Variants in ZBTB20 observed in about 807,000 individuals in gnomAD.
The protein encoded by ZBTB20 is zinc finger and BTB domain-containing protein 20.
A neutral mutation model predicts 56.9 loss-of-function variants in ZBTB20; 9 were observed. That is an observed-to-expected ratio of 0.16 (90% confidence interval 0.10 to 0.28). The LOEUF (loss-of-function observed/expected upper bound fraction) is 0.28. ZBTB20 is among the 10% of genes least tolerant of loss of function. ZBTB20 has a pLI of 1.00. For missense variants in ZBTB20, 655 were observed against 1,003.0 expected, an observed-to-expected ratio of 0.65 and a Z score of 4.69; for synonymous variants, 417 against 420.7, an observed-to-expected ratio of 0.99 and a Z score of 0.11.
chr3:114,595,571 G>T (rs1284886189), intron 6 of ZBTB20, among the ~76,000 whole-genome samples: 1 of 152,168 alleles, frequency 6.6e-6, no homozygotes, highest in Non-Finnish European at 1.5e-5. Context: ...AATGAGTCCA[G>T]GGAAGAGGCC....
At chr3:114,772,010 T>TAA (rs2069244648) in intron 5 of ZBTB20, among the ~76,000 whole-genome samples, 1 of 152,166 alleles carries the variant, frequency 6.6e-6, no homozygotes, top group African/African-American at 2.4e-5. Flanking sequence ...TAGATACCAG[T>TAA]GAAAGACTTG....
chr3:114,617,990 T>C (rs1577985268), intron 6 of ZBTB20, among the ~76,000 whole-genome samples: 2 of 152,032 alleles, frequency 1.3e-5, no homozygotes, highest in East Asian at 1.9e-4. Context: ...GCACTTATCA[T>C]AAAATGCCAC....
chr3:114,364,808 T>C (rs150744618), intron 10 of ZBTB20, among the ~76,000 whole-genome samples: 3 of 152,346 alleles, frequency 2.0e-5, no homozygotes, highest in African/African-American at 7.2e-5. Context: ...GATTCATTTT[T>C]CAACTACTGT....
At chr3:114,888,661 G>A (rs917384185) in intron 4 of ZBTB20, among the ~76,000 whole-genome samples, 2 of 152,062 alleles carry the variant, frequency 1.3e-5, no homozygotes, top group African/African-American at 4.8e-5. Flanking sequence ...TTGGTCTAGA[G>A]TATATACTAT....
chr3:114,582,425 A>G (rs906491832), intron 6 of ZBTB20, among the ~76,000 whole-genome samples: 2 of 150,924 alleles, frequency 1.3e-5, no homozygotes, highest in African/African-American at 2.4e-5. Context: ...CACTCTGTCC[A>G]CCAGGCTGGA....
chr3:114,970,939 C>T (rs1233312428), intron 3 of ZBTB20, among the ~76,000 whole-genome samples: 2 of 151,664 alleles, frequency 1.3e-5, no homozygotes, highest in Admixed American at 6.6e-5. Context: ...AGCAAGAACC[C>T]GGGAGGTGGA....
intron 7 of ZBTB20, among the ~76,000 whole-genome samples, chr3:114,443,335 T>G (rs1471529211): frequency 6.6e-6 from 1 of 152,160 alleles, no homozygotes; most frequent in East Asian, 1.9e-4. Context: ...ATTAATCACA[T>G]GAACCAGAAA....
chr3:114,791,521 C>T (rs1161464182), intron 5 of ZBTB20, among the ~76,000 whole-genome samples: 1 of 152,052 alleles, frequency 6.6e-6, no homozygotes, highest in Non-Finnish European at 1.5e-5. Context: ...ATGTGGAACC[C>T]AGGTTCATAG....
At chr3:114,760,014 A>T (rs1158604183) in intron 5 of ZBTB20, among the ~76,000 whole-genome samples, 3 of 152,204 alleles carry the variant, frequency 2.0e-5, no homozygotes, top group African/African-American at 7.2e-5. Context: ...TACAGAGATT[A>T]AAAAATATGT....
In ZBTB20 at chr3:114,338,931, T is replaced by C; in HGVS notation, c.*74A>G. 1.4e-6 allele frequency: 2 copies of C among 1,423,704 alleles called. No homozygotes were observed. The highest frequency in any genetic ancestry group is 1.9e-6 in the Non-Finnish European group (2 of 1,072,504). 88.2% of individuals were successfully genotyped at this position (1,423,704 alleles called of 1,614,324 possible). On this transcript the variant is annotated 3_prime_UTR_variant, in exon 12 of 12. Coordinates refer to ENST00000675478, the MANE Select transcript of ZBTB20 (RefSeq NM_001348800.3). ...AACCAAAACATTTCTTAAATTCTAG[T>C]GCCATAGCTTTTTTGTTTGTTTGTT...
At chr3:114,392,737 CCT>C (rs1415041525) in intron 7 of ZBTB20, among the ~76,000 whole-genome samples, 1 of 152,140 alleles carries the variant, frequency 6.6e-6, no homozygotes, top group Non-Finnish European at 1.5e-5. Context: ...TAGACAATTG[CCT>C]CTGAGTCTGT....
At chr3:115,132,531 C>T (rs920583906) in intron 1 of ZBTB20, among the ~76,000 whole-genome samples, 10 of 152,088 alleles carry the variant, frequency 6.6e-5, no homozygotes, top group African/African-American at 2.4e-4. Context: ...ATGATAAAGC[C>T]TCTAAAATAA....
chr3:114,643,064 T>C (rs1578126672), intron 6 of ZBTB20, among the ~76,000 whole-genome samples: 1 of 152,148 alleles, frequency 6.6e-6, no homozygotes, highest in Admixed American at 6.5e-5. Flanking sequence ...TATGGCCTCT[T>C]GTAACATTAT....
chr3:114,549,102 A>C (rs908130663), intron 6 of ZBTB20, among the ~76,000 whole-genome samples: 1 of 152,242 alleles, frequency 6.6e-6, no homozygotes, highest in African/African-American at 2.4e-5. Flanking sequence ...GCTATTCTAT[A>C]TAACGGCAGA....
chr3:114,892,598 C>A (rs1413079855), intron 4 of ZBTB20, among the ~76,000 whole-genome samples: 1 of 152,080 alleles, frequency 6.6e-6, no homozygotes, highest in African/African-American at 2.4e-5. Flanking sequence ...ATCTGGAGTG[C>A]TTTATCTGCT....
At chr3:114,623,574 G>A (rs181949126) in intron 6 of ZBTB20, among the ~76,000 whole-genome samples, 3 of 152,254 alleles carry the variant, frequency 2.0e-5, no homozygotes, top group Non-Finnish European at 2.9e-5. Flanking sequence ...ACGTTTAAAA[G>A]CAACCAGTTG....
intron 5 of ZBTB20, among the ~76,000 whole-genome samples, chr3:114,715,216 T>C (rs1052048675): frequency 2.6e-5 from 4 of 152,188 alleles, no homozygotes; most frequent in Non-Finnish European, 4.4e-5. Context: ...ACAAAGTCAT[T>C]TTCAATTTAT....
intron 5 of ZBTB20, among the ~76,000 whole-genome samples, chr3:114,794,928 A>G (rs1578901335): frequency 6.6e-6 from 1 of 152,110 alleles, no homozygotes; most frequent in East Asian, 1.9e-4. Flanking sequence ...AATGAGATTA[A>G]GGTTTAACAG....
At position 114,946,376 on chromosome 3, in the gene ZBTB20, C is replaced by T. The variant is rs1439209834; in HGVS notation, c.-456+27990G>A. On this transcript the variant is annotated intron_variant, in intron 3 of 11. Coordinates refer to ENST00000675478, the MANE Select transcript of ZBTB20 (RefSeq NM_001348800.3). ...AACAAATAAGTATTATAAAATACAT[C>T]AAATACTTTCAAATAAAGCAATAGA... Among the ~76,000 whole-genome samples, 6 of 145,170 alleles carry T rather than the reference C, an allele frequency of 4.1e-5. 1 individual carries two copies. The South Asian group carries it at 1.1e-3, about 26-fold the overall frequency.
Sources: gnomAD v4.1 joint callset for allele counts (sites outside exome capture counted in the v4.1 genomes callset) on GRCh38, gnomAD v4.1.1 for gene constraint, MANE v1.5 for transcripts, NCBI Gene and HGNC (gene_info 2026-07-23, HGNC 2026-07-21) for gene names.